FNDC3A: variants seen among roughly 807,000 people sequenced by gnomAD.
FNDC3A encodes fibronectin type-III domain-containing protein 3A.
FNDC3A carries 32 observed loss-of-function variants against 148.9 expected under a neutral mutation model. The observed-to-expected ratio is 0.21, with a 90% CI of 0.16 to 0.29. FNDC3A has a LOEUF of 0.29. Among genes scored for constraint, FNDC3A ranks in the 10% least tolerant of loss-of-function variants. The pLI is 1.00. For missense variants in FNDC3A, 1,191 were observed against 1,452.8 expected, an observed-to-expected ratio of 0.82 and a Z score of 2.93; for synonymous variants, 472 against 473.6, an observed-to-expected ratio of 1.00 and a Z score of 0.04.
chr13:49,088,663 T>C (rs1878976120), intron 3 of FNDC3A, among the ~76,000 whole-genome samples: 1 of 152,194 alleles, frequency 6.6e-6, no homozygotes, highest in Admixed American at 6.5e-5. Context: ...ATTGCCCTTC[T>C]ACAGTTTATG....
At chr13:49,153,264 G>A (rs1305225263) in intron 8 of FNDC3A, among the ~76,000 whole-genome samples, 2 of 151,954 alleles carry the variant, frequency 1.3e-5, no homozygotes, top group African/African-American at 4.8e-5. Context: ...TTTCTCTGAT[G>A]GCCAGTGATG....
Position 48,976,126 on chromosome 13 carries a change from A to G in FNDC3A, c.-91A>G, listed in dbSNP as rs1286196770. On this transcript the variant is annotated 5_prime_UTR_variant, in exon 1 of 26. Transcript: ENST00000492622. ...AGAGAGACAACGATCAGGAACCCTAAGAAGAGGCGCCAGAGGAGCCGCCTT... is the reference window on the plus strand; with the variant it reads ...AGAGAGACAACGATCAGGAACCCTAGGAAGAGGCGCCAGAGGAGCCGCCTT... The G allele has an allele frequency of 6.6e-6, 1 of 152,192 alleles. No homozygotes were observed. The highest frequency in any genetic ancestry group is 1.9e-4 in the East Asian group (1 of 5,150). The allele number at this position is 152,192 out of a possible 1,614,324, so 9.4% of individuals were successfully genotyped here. A position where few individuals can be genotyped will look rare whatever the true frequency, so the allele number is the denominator to read the frequency against.
intron 7 of FNDC3A, among the ~76,000 whole-genome samples, chr13:49,144,025 A>ACTACTACTG (rs1555297006): frequency 4.7e-5 from 7 of 149,582 alleles, no homozygotes; most frequent in African/African-American, 1.7e-4. Flanking sequence ...TACTACTACT[A>ACTACTACTG]CTACTACTAA....
chr13:49,207,417 CT>C lies in FNDC3A; in HGVS notation c.*23del, dbSNP rs1280453915. 7.2e-7 allele frequency: 1 copy of C among 1,391,342 alleles called. No individual in the cohort carries two copies. Among genetic ancestry groups the C allele is most frequent in the East Asian group, 2.4e-5 (1 of 41,736 alleles). 86.2% of individuals were successfully genotyped at this position (1,391,342 alleles called of 1,614,324 possible). A position where few individuals can be genotyped will look rare whatever the true frequency, so the allele number is the denominator to read the frequency against. ...GTGAAAATATAACTTTATTTTTTAA[CT>C]CTATTACATTTTATTTTGTCATGTA... On this transcript the variant is annotated 3_prime_UTR_variant, in exon 26 of 26. Coordinates refer to ENST00000492622, the MANE Select transcript of FNDC3A (RefSeq NM_001079673.2).
chr13:49,174,784 T>C (rs1252469227), intron 12 of FNDC3A, among the ~76,000 whole-genome samples: 4 of 152,352 alleles, frequency 2.6e-5, no homozygotes, highest in Middle Eastern at 3.4e-3. Flanking sequence ...TTTTCAGATA[T>C]AAATTAGATT....
At chr13:49,174,982 C>T (rs539339186) in intron 12 of FNDC3A, among the ~76,000 whole-genome samples, 12 of 151,612 alleles carry the variant, frequency 7.9e-5, no homozygotes, top group South Asian at 2.1e-4. Context: ...GGGGCAGGTG[C>T]GTTTAATTAC....
chr13:49,147,283 G>A (rs910327393), intron 8 of FNDC3A, among the ~76,000 whole-genome samples: 4 of 152,152 alleles, frequency 2.6e-5, no homozygotes, highest in Non-Finnish European at 4.4e-5. Context: ...CAGGGAGCAC[G>A]AGGGGGGCAT....
chr13:49,183,340 TTTGATATGCATA>T (rs1885399609), intron 14 of FNDC3A, among the ~76,000 whole-genome samples: 1 of 152,244 alleles, frequency 6.6e-6, no homozygotes, highest in East Asian at 1.9e-4. Context: ...GCCCCATTCT[TTTGATATGCATA>T]TTGCTTATCT....
intron 4 of FNDC3A, among the ~76,000 whole-genome samples, chr13:49,118,255 G>A (rs931309568): frequency 1.3e-5 from 2 of 152,114 alleles, no homozygotes; most frequent in Non-Finnish European, 2.9e-5. Context: ...AAAAGGGGTC[G>A]GGGAGCTCCC....
Position 49,138,752 on chromosome 13 carries a change from G to A in FNDC3A, c.766G>A (p.Asp256Asn), listed in dbSNP as rs768845610. The A allele has an allele frequency of 1.7e-5, 25 of 1,453,338 alleles. No individual in the cohort carries two copies. The South Asian group carries it at 3.3e-4, about 19-fold the overall frequency. The allele number at this position is 1,453,338 out of a possible 1,614,324, so 90.0% of individuals were successfully genotyped here. The change falls in exon 7 of 26, where the codon GAT becomes AAT. Residue 256 changes from aspartate (D) to asparagine (N), a missense_variant. By Grantham distance (23) the Asp-to-Asn change is conservative (BLOSUM62 1). Coordinates refer to ENST00000492622, the MANE Select transcript of FNDC3A (RefSeq NM_001079673.2). ...TQVDTEIEEK[D>N]EETKAFEALL... ...AAATGTTTTATTTTTTTAAGAAAAA[G>A]ATGAAGAAACTAAAGCATTTGAAGC...
intron 1 of FNDC3A, among the ~76,000 whole-genome samples, chr13:48,983,570 C>A (rs996873493): frequency 6.6e-6 from 1 of 152,176 alleles, no homozygotes; most frequent in Non-Finnish European, 1.5e-5. Context: ...AGGCAGCAGA[C>A]CAGATTTGGC....
At chr13:49,196,752 G>T in intron 19 of FNDC3A, 125 bp from the exon 20 acceptor site, 2 of 507,314 alleles carry the variant, frequency 3.9e-6, no homozygotes, top group South Asian at 7.6e-5. Flanking sequence ...ATAGAATTAT[G>T]ACCAAATTAA....
At chr13:49,021,219 A>G (rs963473789) in intron 2 of FNDC3A, among the ~76,000 whole-genome samples, 2 of 152,218 alleles carry the variant, frequency 1.3e-5, no homozygotes, top group African/African-American at 4.8e-5. Flanking sequence ...AAGCCCCTAT[A>G]TGAACATCTT....
intron 4 of FNDC3A, among the ~76,000 whole-genome samples, chr13:49,130,510 T>G (rs1239970887): frequency 1.3e-5 from 2 of 152,140 alleles, no homozygotes; most frequent in Admixed American, 1.3e-4. Context: ...TTCCTGAACC[T>G]CTTGTGTCTA....
At chr13:49,000,458 A>G (rs927114684) in intron 1 of FNDC3A, among the ~76,000 whole-genome samples, 1 of 152,226 alleles carries the variant, frequency 6.6e-6, no homozygotes, top group South Asian at 2.1e-4. Context: ...TTATGCCAGT[A>G]CCACACTGTT....
chr13:49,010,924 G>A (rs1952329106), intron 2 of FNDC3A, among the ~76,000 whole-genome samples: 1 of 152,020 alleles, frequency 6.6e-6, no homozygotes, highest in Admixed American at 6.6e-5. Context: ...GTGACTTGCT[G>A]GTCTTATTCA....
At chr13:49,119,486 A>C (rs1435201483) in intron 4 of FNDC3A, among the ~76,000 whole-genome samples, 1 of 152,094 alleles carries the variant, frequency 6.6e-6, no homozygotes, top group Non-Finnish European at 1.5e-5. Context: ...ACGGAGAATG[A>C]GTTTGACGAA....
chr13:49,076,611 C>A (rs940677554), intron 3 of FNDC3A, among the ~76,000 whole-genome samples: 1 of 151,994 alleles, frequency 6.6e-6, no homozygotes, highest in Non-Finnish European at 1.5e-5. Flanking sequence ...CTTATAGGAT[C>A]ATTGTGAAGG....
chr13:49,180,974 C>G (rs1043020952), intron 14 of FNDC3A, among the ~76,000 whole-genome samples: 6 of 152,102 alleles, frequency 3.9e-5, no homozygotes, highest in Non-Finnish European at 8.8e-5. Flanking sequence ...CCAACACTTT[C>G]GGAGGCTGAG....
Sources: allele counts gnomAD v4.1 joint callset (sites outside exome capture counted in the v4.1 genomes callset), GRCh38; gene constraint gnomAD v4.1.1; transcripts MANE v1.5; gene names NCBI Gene and HGNC (gene_info 2026-07-23, HGNC 2026-07-21).